NRXN1: variants seen among roughly 807,000 people sequenced by gnomAD.
The protein encoded by NRXN1 is neurexin 1, also known as neurexin-1.
A neutral mutation model predicts 150.9 loss-of-function variants in NRXN1; 39 were observed. The ratio of observed to expected loss-of-function variants is 0.26; its 90% CI spans 0.20 to 0.34. The LOEUF is 0.34. NRXN1 is among the 10% of genes least tolerant of loss of function. NRXN1 has a pLI of 1.00. For synonymous variants in NRXN1, 924 were observed against 757.0 expected (o/e 1.22, Z -3.62); for missense variants, 1,815 against 1,949.9 (o/e 0.93, Z 1.30).
intron 15 of NRXN1, among the ~76,000 whole-genome samples, chr2:50,486,763 T>C (rs537259073): frequency 6.6e-6 from 1 of 152,256 alleles, no homozygotes; most frequent in East Asian, 1.9e-4. Flanking sequence ...AAACTTGAGA[T>C]GGCAAATGGG....
At chr2:49,931,294 C>T (rs990080505) in intron 22 of NRXN1, among the ~76,000 whole-genome samples, 1 of 152,112 alleles carries the variant, frequency 6.6e-6, no homozygotes, top group Non-Finnish European at 1.5e-5. Flanking sequence ...AATCAGAAAT[C>T]ACTTCTTCTG....
chr2:50,896,752 C>T (rs868473935), intron 5 of NRXN1, among the ~76,000 whole-genome samples: 4 of 151,780 alleles, frequency 2.6e-5, no homozygotes, highest in Admixed American at 6.6e-5. Context: ...AGGCTGGGGG[C>T]AGGAGAATCG....
intron 5 of NRXN1, among the ~76,000 whole-genome samples, chr2:50,844,322 T>C (rs1296691114): frequency 6.6e-6 from 1 of 152,192 alleles, no homozygotes; most frequent in African/African-American, 2.4e-5. Context: ...TCCGCTTAAA[T>C]TTTGATTTCC....
At chr2:50,220,041 T>C (rs1457096459) in intron 18 of NRXN1, among the ~76,000 whole-genome samples, 1 of 130,192 alleles carries the variant, frequency 7.7e-6, no homozygotes, top group African/African-American at 3.0e-5. Flanking sequence ...AAAATATTCC[T>C]AAATAAGTGG....
At chr2:50,664,351 A>G (rs896990942) in intron 5 of NRXN1, among the ~76,000 whole-genome samples, 2 of 148,394 alleles carry the variant, frequency 1.3e-5, no homozygotes, top group Admixed American at 6.8e-5. Context: ...ATTTATCCCA[A>G]ATCTCTAACT....
At chr2:49,975,108 A>C (rs887253603) in intron 21 of NRXN1, among the ~76,000 whole-genome samples, 35 of 150,358 alleles carry the variant, frequency 2.3e-4, no homozygotes, top group African/African-American at 8.0e-4. Context: ...ATACATATAC[A>C]TACAATTATA....
chr2:50,422,367 C>T (rs936896079), intron 17 of NRXN1, among the ~76,000 whole-genome samples: 1 of 152,158 alleles, frequency 6.6e-6, no homozygotes, highest in Admixed American at 6.6e-5. Context: ...TGTATTACCA[C>T]TGGGCTGATT....
chr2:50,685,304 T>C (rs1265451894), intron 5 of NRXN1, among the ~76,000 whole-genome samples: 1 of 152,150 alleles, frequency 6.6e-6, no homozygotes, highest in Admixed American at 6.6e-5. Context: ...ATTAAGCATA[T>C]CACTAGGTGG....
chr2:50,301,656 C>G (rs2152954976), intron 17 of NRXN1, among the ~76,000 whole-genome samples: 1 of 152,256 alleles, frequency 6.6e-6, no homozygotes, highest in East Asian at 1.9e-4. Flanking sequence ...TAGCCAGTTT[C>G]TAGCATCTCT....
intron 18 of NRXN1, among the ~76,000 whole-genome samples, chr2:50,200,792 A>C (rs2062104165): frequency 6.6e-6 from 1 of 152,142 alleles, no homozygotes; most frequent in Non-Finnish European, 1.5e-5. Context: ...TAGAACACTA[A>C]ATTTAAAGTC....
chr2:50,391,747 A>G (rs1444520501), intron 17 of NRXN1, among the ~76,000 whole-genome samples: 2 of 152,164 alleles, frequency 1.3e-5, no homozygotes, highest in Non-Finnish European at 2.9e-5. Flanking sequence ...CTTCTAATTT[A>G]CACAGAAGAA....
At chr2:50,252,816 T>C (rs1386975782) in intron 17 of NRXN1, among the ~76,000 whole-genome samples, 2 of 152,184 alleles carry the variant, frequency 1.3e-5, no homozygotes, top group African/African-American at 4.8e-5. Flanking sequence ...TACTGTAGCC[T>C]TGTAGTATAG....
intron 5 of NRXN1, among the ~76,000 whole-genome samples, chr2:50,801,853 C>A (rs559433474): frequency 6.6e-6 from 1 of 152,226 alleles, no homozygotes; most frequent in Non-Finnish European, 1.5e-5. Flanking sequence ...TTTCTTCTAT[C>A]AAGTTTCCTT....
intron 8 of NRXN1, among the ~76,000 whole-genome samples, chr2:50,591,497 G>A (rs538230553): frequency 6.6e-6 from 1 of 152,110 alleles, no homozygotes; most frequent in African/African-American, 2.4e-5. Context: ...AAAGGAAAAA[G>A]TAAGCCAAAC....
intron 5 of NRXN1, among the ~76,000 whole-genome samples, chr2:50,899,293 C>A (rs764356371): frequency 3.3e-5 from 5 of 152,094 alleles, no homozygotes; most frequent in Non-Finnish European, 4.4e-5. Flanking sequence ...CAATGCAGTA[C>A]AATTGAAAAC....
intron 21 of NRXN1, among the ~76,000 whole-genome samples, chr2:49,990,346 CAAAA>C (rs1487594215): frequency 1.3e-5 from 2 of 152,040 alleles, no homozygotes; most frequent in Non-Finnish European, 2.9e-5. Flanking sequence ...CGAGGAAAGA[CAAAA>C]GGAAGGAGGG....
chr2:50,855,569 A>G (rs1212319208), intron 5 of NRXN1, among the ~76,000 whole-genome samples: 2 of 152,070 alleles, frequency 1.3e-5, no homozygotes, highest in Non-Finnish European at 2.9e-5. Flanking sequence ...AGAGGTTGAG[A>G]AATGACTAAC....
At chr2:50,870,665 TC>T (rs1358909685) in intron 5 of NRXN1, among the ~76,000 whole-genome samples, 1 of 151,950 alleles carries the variant, frequency 6.6e-6, no homozygotes, top group Non-Finnish European at 1.5e-5. Context: ...TTCCTTTGCC[TC>T]CAATGATCTA....
chr2:50,637,857 G>C (rs1573915594), intron 5 of NRXN1, among the ~76,000 whole-genome samples: 1 of 151,500 alleles, frequency 6.6e-6, no homozygotes, highest in African/African-American at 2.4e-5. Context: ...CCACAAGTTA[G>C]TATTTAGATC....
Sources: allele counts gnomAD v4.1 joint callset (sites outside exome capture counted in the v4.1 genomes callset), GRCh38; gene constraint gnomAD v4.1.1; transcripts MANE v1.5; gene names NCBI Gene and HGNC (gene_info 2026-07-23, HGNC 2026-07-21).